GFRAL: variants seen among roughly 807,000 people sequenced by gnomAD.
The protein encoded by GFRAL is GDNF family receptor alpha like, also known as GDNF family receptor alpha-like.
In GFRAL, 36 loss-of-function variants were observed where a neutral mutation model predicts 45.4. The observed-to-expected ratio is 0.79, with a 90% CI of 0.61 to 1.05. The LOEUF (loss-of-function observed/expected upper bound fraction) is 1.05. GFRAL is among the 50% of genes least tolerant of loss of function. The probability of loss-of-function intolerance (pLI) is 0.00; values close to 1 mark genes in which losing one functional copy is unlikely to be tolerated. For missense variants in GFRAL, 507 were observed against 467.5 expected, an observed-to-expected ratio of 1.08 and a Z score of -0.78; for synonymous variants, 166 against 154.1, an observed-to-expected ratio of 1.08 and a Z score of -0.57.
intron 6 of GFRAL, among the ~76,000 whole-genome samples, chr6:55,395,950 G>A (rs1486100182): frequency 3.3e-5 from 5 of 152,012 alleles, no homozygotes; most frequent in Non-Finnish European, 4.4e-5. Context: ...AATTTCTCCA[G>A]GGTACAAGTT....
In GFRAL at chr6:55,401,910, CTCTTT is replaced by C. The variant is rs1768904202; in HGVS notation, c.*62_*66del. On this transcript the variant is annotated 3_prime_UTR_variant, in exon 9 of 9. Coordinates refer to ENST00000340465, the MANE Select transcript of GFRAL (RefSeq NM_207410.2). Reference sequence around the variant, plus strand: ...CTCTTTTCTCTGCTTTTCTTCTTTCCTCTTTTCTTCTCTCCTCTCCTCTCCTCTCT... The same window carrying C: ...CTCTTTTCTCTGCTTTTCTTCTTTCCTCTTCTCTCCTCTCCTCTCCTCTCT... The C allele has an allele frequency of 1.1e-6, 1 of 900,894 alleles. No individual in the cohort carries two copies. Among genetic ancestry groups the C allele is most frequent in the Non-Finnish European group, 1.8e-6 (1 of 540,754 alleles). 55.8% of individuals were successfully genotyped at this position (900,894 alleles called of 1,614,324 possible).
chr6:55,344,642 G>T (rs1346457882), intron 3 of GFRAL, among the ~76,000 whole-genome samples: 1 of 152,172 alleles, frequency 6.6e-6, no homozygotes, highest in African/African-American at 2.4e-5. Context: ...AGACAGGGAT[G>T]CCCTCTCTCA....
intron 6 of GFRAL, among the ~76,000 whole-genome samples, chr6:55,360,395 C>CATCTAT (rs10555370): frequency 2.6e-5 from 4 of 151,654 alleles, no homozygotes; most frequent in South Asian, 2.1e-4. Context: ...TCTATATCTA[C>CATCTAT]ATCTATATCT....
intron 6 of GFRAL, among the ~76,000 whole-genome samples, chr6:55,371,600 A>G (rs1768451189): frequency 6.6e-6 from 1 of 152,230 alleles, no homozygotes; most frequent in Non-Finnish European, 1.5e-5. Flanking sequence ...GATACTGCAG[A>G]TTGGAATAAA....
chr6:55,377,187 A>G (rs1454850854), intron 6 of GFRAL, among the ~76,000 whole-genome samples: 2 of 151,984 alleles, frequency 1.3e-5, no homozygotes, highest in Non-Finnish European at 2.9e-5. Context: ...AACGGTCTCC[A>G]TCTTTCCAGC....
chr6:55,338,587 CACAG>C (rs1283287165), intron 3 of GFRAL, among the ~76,000 whole-genome samples: 1 of 152,098 alleles, frequency 6.6e-6, no homozygotes, highest in Non-Finnish European at 1.5e-5. Flanking sequence ...CACATACACA[CACAG>C]ACAAAGTACT....
rs145749459 is a variant in GFRAL at position 55,369,252 on chromosome 6, C to G, written c.952+10114C>G. 5.1e-3 allele frequency among the ~76,000 whole-genome samples: 771 copies of G among 152,334 alleles called. 9 individuals are homozygous for G. The highest frequency in any genetic ancestry group is 0.018 in the African/African-American group (736 of 41,574). ...TTCTTTGACTCAGAAAGGGAACTCC[C>G]TGACCCCTTGCGCTTCCCAAGTGAG... is the stretch of plus-strand genomic sequence containing the variant. On this transcript the variant is annotated intron_variant, in intron 6 of 8. Coordinates refer to ENST00000340465, the MANE Select transcript of GFRAL (RefSeq NM_207410.2).
chr6:55,329,105 G>C (rs1410796332), intron 1 of GFRAL, among the ~76,000 whole-genome samples: 1 of 151,876 alleles, frequency 6.6e-6, no homozygotes, highest in Admixed American at 6.6e-5. Context: ...AAAAATCCTA[G>C]GTTAAATACA....
At chr6:55,352,564 G>A (rs546810930) in intron 5 of GFRAL, among the ~76,000 whole-genome samples, 6 of 152,192 alleles carry the variant, frequency 3.9e-5, no homozygotes, top group South Asian at 2.1e-4. Flanking sequence ...CCTCTTGAGA[G>A]GACCGATAGT....
chr6:55,388,576 G>A (rs1768708762), intron 6 of GFRAL, among the ~76,000 whole-genome samples: 2 of 152,192 alleles, frequency 1.3e-5, no homozygotes, highest in South Asian at 4.1e-4. Flanking sequence ...CTAAGCATAT[G>A]TCTACAACCC....
At chr6:55,330,304 G>A (rs1306964342) in intron 1 of GFRAL, among the ~76,000 whole-genome samples, 2 of 152,080 alleles carry the variant, frequency 1.3e-5, no homozygotes, top group Non-Finnish European at 2.9e-5. Context: ...GCATCACTGT[G>A]TTTGGTGACA....
chr6:55,375,050 G>A (rs1260722655), intron 6 of GFRAL, among the ~76,000 whole-genome samples: 2 of 152,080 alleles, frequency 1.3e-5, no homozygotes, highest in Non-Finnish European at 2.9e-5. Context: ...TTGAAGTTGG[G>A]TAGCGTGATA....
At chr6:55,368,062 A>G (rs1424967081) in intron 6 of GFRAL, among the ~76,000 whole-genome samples, 2 of 148,284 alleles carry the variant, frequency 1.3e-5, no homozygotes, top group African/African-American at 2.5e-5. Context: ...CATTCTCCCC[A>G]TCACTTTCAG....
At chr6:55,396,010 C>G (rs78278459) in intron 6 of GFRAL, among the ~76,000 whole-genome samples, 6,528 of 152,118 alleles carry the variant, frequency 0.043, 197 homozygotes, top group African/African-American at 0.073. Context: ...AGCAGATGGT[C>G]TGGGGCTGAG....
rs533532985 is a variant in GFRAL, at chr6:55,381,601, T to C, written c.953-17579T>C. Among the ~76,000 whole-genome samples the C allele has an allele frequency of 3.9e-5, 6 of 152,046 alleles. No homozygotes were observed. In the East Asian group the frequency reaches 7.7e-4, roughly 20 times the overall value. Reference sequence around the variant, plus strand: ...ATATATGGAGGTGCATGATACATAGTCTTACATTTTTTTCCTTAAGTACAT... The same window carrying C: ...ATATATGGAGGTGCATGATACATAGCCTTACATTTTTTTCCTTAAGTACAT... On this transcript the variant is annotated intron_variant, in intron 6 of 8. Transcript: ENST00000340465.
rs1329789211 is a variant in GFRAL, at chr6:55,399,433, C to G, written c.1113C>G (p.Val371=). 6.2e-7 allele frequency: 1 copy of G among 1,600,962 alleles called. No homozygotes were observed. Among genetic ancestry groups the G allele is most frequent in the South Asian group, 1.1e-5 (1 of 90,784 alleles). Residue 371 remains valine (V), a synonymous_variant, in exon 8 of 9, where the codon GTC becomes GTG. Transcript: ENST00000340465. The part of the protein sequence containing the change: ...VTCGILLLVM[V]KLRTSRISSK... Reference sequence around the variant, plus strand: ...GTGGAATCCTTCTGTTGGTTATGGTCAAGCTTAGGTAACTGAATATAAATT... The same window carrying G: ...GTGGAATCCTTCTGTTGGTTATGGTGAAGCTTAGGTAACTGAATATAAATT...
chr6:55,351,160 T>C, intron 4 of GFRAL, 93 bp from the exon 5 acceptor site: 1 of 865,578 alleles, frequency 1.2e-6, no homozygotes, highest in Non-Finnish European at 1.8e-6. Context: ...CATCATTGTA[T>C]TTTGCTCATA....
chr6:55,339,215 T>C (rs537575587), intron 3 of GFRAL, among the ~76,000 whole-genome samples: 54 of 152,294 alleles, frequency 3.5e-4, no homozygotes, highest in African/African-American at 1.3e-3. Context: ...GGGATTGCTA[T>C]ACATTGAGCC....
At chr6:55,395,781 GAAAAAAA>G (rs34724941) in intron 6 of GFRAL, among the ~76,000 whole-genome samples, 21 of 137,432 alleles carry the variant, frequency 1.5e-4, no homozygotes, top group African/African-American at 4.8e-4. Flanking sequence ...AAGGATTTTG[GAAAAAAA>G]AAAAAAAGAA....
Sources: allele counts gnomAD v4.1 joint callset (sites outside exome capture counted in the v4.1 genomes callset), GRCh38; gene constraint gnomAD v4.1.1; transcripts MANE v1.5; gene names NCBI Gene and HGNC (gene_info 2026-07-23, HGNC 2026-07-21).